The following CTNNA3 variants were observed in gnomAD, a reference collection of about 807,000 sequenced individuals.
The protein encoded by CTNNA3 is catenin alpha 3, also known as catenin alpha-3.
CTNNA3 carries 76 observed loss-of-function variants against 95.7 expected under a neutral mutation model. The observed-to-expected ratio is 0.79, with a 90% CI of 0.66 to 0.96. The LOEUF (loss-of-function observed/expected upper bound fraction) is 0.96. Ranked by LOEUF, CTNNA3 falls within the 40% of genes least tolerant of loss-of-function variation. The pLI, the probability that CTNNA3 is intolerant of heterozygous loss-of-function variation, is 0.00. For missense variants in CTNNA3, 1,191 were observed against 1,089.8 expected, an observed-to-expected ratio of 1.09 and a Z score of -1.31; for synonymous variants, 431 against 374.4, an observed-to-expected ratio of 1.15 and a Z score of -1.74.
At chr10:66,980,643 C>T (rs1008735047) in intron 7 of CTNNA3, among the ~76,000 whole-genome samples, 3 of 152,098 alleles carry the variant, frequency 2.0e-5, no homozygotes, top group African/African-American at 4.8e-5. Flanking sequence ...CTTGCAAGCC[C>T]GCAATTCTGT....
chr10:65,955,095 T>C (rs961154837), intron 17 of CTNNA3, among the ~76,000 whole-genome samples: 1 of 151,926 alleles, frequency 6.6e-6, no homozygotes, highest in African/African-American at 2.4e-5. Flanking sequence ...CTTGAAGAGG[T>C]CCTTCACATC....
intron 17 of CTNNA3, among the ~76,000 whole-genome samples, chr10:65,922,691 G>A (rs1292967176): frequency 1.3e-5 from 2 of 151,816 alleles, no homozygotes; most frequent in Non-Finnish European, 2.9e-5. Flanking sequence ...TTGTTTGCTT[G>A]GTTTTGCAAA....
intron 5 of CTNNA3, among the ~76,000 whole-genome samples, chr10:67,283,973 A>C (rs1162310754): frequency 6.6e-6 from 1 of 152,150 alleles, no homozygotes; most frequent in African/African-American, 2.4e-5. Flanking sequence ...ACATTGAATA[A>C]ATGTGTATGC....
chr10:67,419,109 G>T (rs561314293), intron 5 of CTNNA3, among the ~76,000 whole-genome samples: 7 of 152,130 alleles, frequency 4.6e-5, no homozygotes, highest in Non-Finnish European at 1.0e-4. Context: ...GTGCCCATGG[G>T]CTCCAGTGAT....
upstream of CTNNA3, among the ~76,000 whole-genome samples, chr10:67,700,739 G>A (rs546105311): frequency 7.9e-5 from 12 of 152,216 alleles, no homozygotes; most frequent in East Asian, 1.9e-4. Context: ...CCAAAGGAAC[G>A]CAGCTCCTCA....
chr10:66,544,142 T>C (rs1426068626), intron 10 of CTNNA3, among the ~76,000 whole-genome samples: 1 of 151,930 alleles, frequency 6.6e-6, no homozygotes, highest in Non-Finnish European at 1.5e-5. Flanking sequence ...TTGGCTATTA[T>C]GTCCCCTTTG....
intron 7 of CTNNA3, among the ~76,000 whole-genome samples, chr10:66,959,798 G>T (rs577493876): frequency 1.3e-5 from 2 of 152,130 alleles, no homozygotes; most frequent in East Asian, 3.9e-4. Context: ...AGAAACTCAG[G>T]AGTAAGAAAC....
intron 12 of CTNNA3, among the ~76,000 whole-genome samples, chr10:66,295,958 G>C (rs2091771157): frequency 6.6e-6 from 1 of 152,110 alleles, no homozygotes; most frequent in African/African-American, 2.4e-5. Flanking sequence ...TTTTAGTATT[G>C]GATGATTTCC....
At chr10:67,739,871 C>G (rs1841325179) in intron 1 of CTNNA3, among the ~76,000 whole-genome samples, 1 of 152,258 alleles carries the variant, frequency 6.6e-6, no homozygotes, top group South Asian at 2.1e-4. Flanking sequence ...GCCAAAAGAA[C>G]AAAGCTGGAG....
At chr10:66,301,919 T>A (rs575757853) in intron 12 of CTNNA3, among the ~76,000 whole-genome samples, 1 of 152,056 alleles carries the variant, frequency 6.6e-6, no homozygotes, top group Admixed American at 6.5e-5. Flanking sequence ...ATGACACGAT[T>A]GTCTATATAG....
intron 13 of CTNNA3, among the ~76,000 whole-genome samples, chr10:66,221,290 G>T (rs143493936): frequency 7.8e-4 from 118 of 152,248 alleles, no homozygotes; most frequent in African/African-American, 2.5e-3. Context: ...AGAAGGCCCA[G>T]TTCACTAGCT....
intron 2 of CTNNA3, among the ~76,000 whole-genome samples, chr10:67,628,145 A>G (rs1427578434): frequency 1.3e-5 from 2 of 151,756 alleles, no homozygotes; most frequent in South Asian, 4.1e-4. Context: ...TTAAAATCAA[A>G]AATAGTCTAC....
At chr10:66,636,410 G>C (rs895928890) in intron 9 of CTNNA3, among the ~76,000 whole-genome samples, 1 of 151,994 alleles carries the variant, frequency 6.6e-6, no homozygotes, top group African/African-American at 2.4e-5. Context: ...TGTAATCTTA[G>C]TAATTTTTTT....
chr10:66,104,299 A>G (rs183409870), intron 13 of CTNNA3, among the ~76,000 whole-genome samples: 120 of 152,306 alleles, frequency 7.9e-4, no homozygotes, highest in Non-Finnish European at 1.2e-3. Context: ...TTAATATATC[A>G]TCGCTGAATT....
chr10:66,519,269 T>C (rs111555094), intron 11 of CTNNA3, among the ~76,000 whole-genome samples: 2 of 152,202 alleles, frequency 1.3e-5, no homozygotes, highest in African/African-American at 4.8e-5. Context: ...CACAATCCTG[T>C]GGGATATTAT....
chr10:67,086,468 G>T (rs992278079), intron 7 of CTNNA3, among the ~76,000 whole-genome samples: 1 of 151,990 alleles, frequency 6.6e-6, no homozygotes, highest in Non-Finnish European at 1.5e-5. Flanking sequence ...AAGCCTGTTT[G>T]GATGTCAGCT....
chr10:67,135,372 A>C (rs1017423618), intron 7 of CTNNA3, among the ~76,000 whole-genome samples: 1 of 152,146 alleles, frequency 6.6e-6, no homozygotes, highest in African/African-American at 2.4e-5. Flanking sequence ...AGATATATGC[A>C]GTAACAACAA....
At chr10:66,325,841 G>A (rs989910202) in intron 12 of CTNNA3, among the ~76,000 whole-genome samples, 1 of 151,456 alleles carries the variant, frequency 6.6e-6, no homozygotes, top group Non-Finnish European at 1.5e-5. Context: ...AATTGGGAGA[G>A]CAAAAGGGCA....
intron 12 of CTNNA3, among the ~76,000 whole-genome samples, chr10:66,316,045 G>T (rs941549241): frequency 6.6e-6 from 1 of 151,980 alleles, no homozygotes; most frequent in Non-Finnish European, 1.5e-5. Flanking sequence ...AAGCTCCCAT[G>T]GCATGTTTCT....
Sources: gnomAD v4.1 joint callset for allele counts (sites outside exome capture counted in the v4.1 genomes callset) on GRCh38, gnomAD v4.1.1 for gene constraint, MANE v1.5 for transcripts, NCBI Gene and HGNC (gene_info 2026-07-23, HGNC 2026-07-21) for gene names.